The following RPH3A variants were observed in gnomAD, a reference collection of about 807,000 sequenced individuals.
The protein encoded by RPH3A is rabphilin 3A, also known as rabphilin-3A.
A neutral mutation model predicts 102.2 loss-of-function variants in RPH3A; 48 were observed. The observed-to-expected ratio is 0.47, with a 90% confidence interval of 0.37 to 0.60. The LOEUF (loss-of-function observed/expected upper bound fraction) is 0.60, where lower values mean the gene tolerates loss of function less well. Among genes scored for constraint, RPH3A ranks in the 20% least tolerant of loss-of-function variants. The pLI is 0.00. For missense variants in RPH3A, 781 were observed against 910.1 expected (o/e 0.86, Z 1.83); for synonymous variants, 310 against 324.3 (o/e 0.96, Z 0.47).
upstream of RPH3A, among the ~76,000 whole-genome samples, chr12:112,789,123 A>T (rs535261946): frequency 2.6e-4 from 40 of 152,214 alleles, no homozygotes; most frequent in Admixed American, 5.2e-4. Context: ...TCACCACTGC[A>T]CTCCAGCCTG....
chr12:112,621,266 C>T (rs1034122061), intron 1 of RPH3A, among the ~76,000 whole-genome samples: 18 of 151,736 alleles, frequency 1.2e-4, no homozygotes, highest in South Asian at 4.2e-4. Flanking sequence ...ACGCAGAAGA[C>T]GGGTGATTTC....
intron 1 of RPH3A, chr12:112,651,836 A>C (rs232921): frequency 0.46 from 70,586 of 152,044 alleles, 19,573 homozygotes; most frequent in Non-Finnish European, 0.61. Context: ...ATGTAAGTGG[A>C]ATCATACAAT....
At chr12:112,666,593 A>G (rs1469854937) in intron 1 of RPH3A, among the ~76,000 whole-genome samples, 1 of 152,130 alleles carries the variant, frequency 6.6e-6, no homozygotes, top group East Asian at 1.9e-4. Context: ...TTTTTTTGTC[A>G]GCTGCAAGTT....
chr12:112,701,632 G>A (rs1251745190), intron 1 of RPH3A, among the ~76,000 whole-genome samples: 1 of 152,134 alleles, frequency 6.6e-6, no homozygotes. Flanking sequence ...CTTATATTGG[G>A]GAGTGATAGA....
intron 15 of RPH3A, among the ~76,000 whole-genome samples, chr12:112,883,086 A>C (rs1038251068): frequency 6.6e-6 from 1 of 152,174 alleles, no homozygotes; most frequent in African/African-American, 2.4e-5. Flanking sequence ...GAGGGGACCC[A>C]GTGTCAAGCA....
At chr12:112,691,504 A>G (rs1485294316) in intron 1 of RPH3A, among the ~76,000 whole-genome samples, 1 of 152,260 alleles carries the variant, frequency 6.6e-6, no homozygotes, top group Admixed American at 6.5e-5. Context: ...TTCTGTGTCC[A>G]GAAGTACAGT....
chr12:112,670,921 A>T (rs1326420126), intron 1 of RPH3A, among the ~76,000 whole-genome samples: 3 of 152,182 alleles, frequency 2.0e-5, no homozygotes, highest in Non-Finnish European at 4.4e-5. Flanking sequence ...TGATGTGAGG[A>T]TCTGCAAAAT....
At chr12:112,767,144 A>C (rs1055720374) in intron 1 of RPH3A, among the ~76,000 whole-genome samples, 2 of 152,216 alleles carry the variant, frequency 1.3e-5, no homozygotes, top group African/African-American at 2.4e-5. Flanking sequence ...CCTCTTTGAT[A>C]TAATATCAAG....
chr12:112,708,308 T>C (rs1274318142), intron 1 of RPH3A, among the ~76,000 whole-genome samples: 1 of 152,138 alleles, frequency 6.6e-6, no homozygotes, highest in Non-Finnish European at 1.5e-5. Context: ...AACAGTGCAG[T>C]CTTCCAGGAC....
chr12:112,842,747 A>G (rs1565913860), intron 4 of RPH3A, among the ~76,000 whole-genome samples: 1 of 152,240 alleles, frequency 6.6e-6, no homozygotes, highest in Non-Finnish European at 1.5e-5. Context: ...CTCACTAAAA[A>G]GTTAGGGCAT....
At chr12:112,842,232 T>G (rs777044339) in intron 4 of RPH3A, among the ~76,000 whole-genome samples, 2 of 152,252 alleles carry the variant, frequency 1.3e-5, no homozygotes, top group Non-Finnish European at 2.9e-5. Context: ...GAATTGCCAC[T>G]GTGGCAAGGA....
intron 1 of RPH3A, among the ~76,000 whole-genome samples, chr12:112,641,560 C>G (rs954206033): frequency 6.6e-6 from 1 of 152,064 alleles, no homozygotes; most frequent in African/African-American, 2.4e-5. Flanking sequence ...CCACACCTGG[C>G]TAATTTTTGT....
chr12:112,880,782 C>G (rs1011571454), intron 14 of RPH3A, among the ~76,000 whole-genome samples: 2 of 152,170 alleles, frequency 1.3e-5, no homozygotes, highest in Non-Finnish European at 2.9e-5. Flanking sequence ...ATGAACACAT[C>G]TTTTGTATAC....
chr12:112,709,185 T>C (rs931852216), intron 1 of RPH3A, among the ~76,000 whole-genome samples: 2 of 152,174 alleles, frequency 1.3e-5, no homozygotes, highest in Admixed American at 6.5e-5. Context: ...GTTGAAAAAG[T>C]GAGCTGTTTA....
intron 1 of RPH3A, among the ~76,000 whole-genome samples, chr12:112,761,238 A>C (rs2040853355): frequency 6.6e-6 from 1 of 152,206 alleles, no homozygotes; most frequent in African/African-American, 2.4e-5. Context: ...GCTTATCACA[A>C]GAGGTAAGAT....
chr12:112,608,982 C>CT (rs1359347025), intron 1 of RPH3A, among the ~76,000 whole-genome samples: 1 of 152,116 alleles, frequency 6.6e-6, no homozygotes, highest in Admixed American at 6.6e-5. Flanking sequence ...AAAAAATTCA[C>CT]TTTTTTAGTC....
intron 3 of RPH3A, among the ~76,000 whole-genome samples, chr12:112,833,364 C>G (rs2136163079): frequency 6.6e-6 from 1 of 152,330 alleles, no homozygotes; most frequent in South Asian, 2.1e-4. Context: ...TTTACCAGCA[C>G]AGCACTGCCT....
chr12:112,825,572 G>A (rs560391558), intron 2 of RPH3A, among the ~76,000 whole-genome samples: 1 of 152,218 alleles, frequency 6.6e-6, no homozygotes, highest in South Asian at 2.1e-4. Context: ...GGGTGGGGTC[G>A]GGGGCAGGTT....
Position 112,868,485 on chromosome 12 carries a change from C to T in RPH3A, c.500C>T (p.Pro167Leu). The T allele has an allele frequency of 6.2e-7, 1 of 1,614,186 alleles. No homozygotes were observed. Among genetic ancestry groups the T allele is most frequent in the Non-Finnish European group, 8.5e-7 (1 of 1,180,020 alleles). The change falls in exon 8 of 22, where the codon CCA (proline) becomes CTA (leucine). Residue 167 changes from proline (P) to leucine (L), a missense_variant. Pro to Leu is a moderately conservative substitution (Grantham distance 98). Around this residue, in one of 2 missense-constraint regions of RPH3A, gnomAD observed 730 missense variants for 810.0 expected, o/e 0.90. Transcript: ENST00000389385. ...FFKGFPKQVL[P>L]QPMPIKKTKP... ...AAAGGCTTCCCCAAACAGGTCCTCC[C>T]ACAGCCTATGCCTATAAAGAAGACC... is the stretch of plus-strand genomic sequence containing the variant.
Sources: allele counts gnomAD v4.1 joint callset (sites outside exome capture counted in the v4.1 genomes callset), GRCh38; gene constraint gnomAD v4.1.1; regional missense constraint gnomAD v4.1.1; transcripts MANE v1.5; gene names NCBI Gene and HGNC (gene_info 2026-07-23, HGNC 2026-07-21).